Variants in KCNS1 observed in about 807,000 individuals in gnomAD.
KCNS1 encodes delayed-rectifier potassium channel regulatory subunit KCNS1.
KCNS1 carries 26 observed loss-of-function variants against 33.1 expected under a neutral mutation model. The ratio of observed to expected loss-of-function variants is 0.79; its 90% CI spans 0.58 to 1.09. The LOEUF (loss-of-function observed/expected upper bound fraction) is 1.09, where lower values mean the gene tolerates loss of function less well. KCNS1 is among the 50% of genes least tolerant of loss of function. KCNS1 has a pLI of 0.00. For synonymous variants in KCNS1, 299 were observed against 338.8 expected, an observed-to-expected ratio of 0.88 and a Z score of 1.29; for missense variants, 702 against 752.4, an observed-to-expected ratio of 0.93 and a Z score of 0.78.
Position 45,098,735 on chromosome 20 carries a change from T to C in KCNS1, c.77-40A>G. 1 of 1,333,676 alleles carries C rather than the reference T, an allele frequency of 7.5e-7. No individual in the cohort carries two copies. Among genetic ancestry groups the C allele is most frequent in the South Asian group, 2.1e-5 (1 of 47,824 alleles). 82.6% of individuals were successfully genotyped at this position (1,333,676 alleles called of 1,614,324 possible). ...AGGGCGCGCTGAGGAGTTCCCGGGC[T>C]TCCCTTCCTGGAAGACCAGGTTAAA... On this transcript the variant is annotated intron_variant, in intron 2 of 3. Transcript: ENST00000537075. This position sits in a 1 kb window ranked among gnomAD's most constrained non-coding sequence, Gnocchi z 5.2.
Position 45,098,180 on chromosome 20 carries a change from G to T in KCNS1, c.592C>A (p.Arg198Ser), listed in dbSNP as rs369840753. 15 of 1,603,206 alleles carry T rather than the reference G, an allele frequency of 9.4e-6. No individual in the cohort carries two copies. Among genetic ancestry groups the T allele is most frequent in the Non-Finnish European group, 1.2e-5 (14 of 1,175,990 alleles). ...QRELARYGAA[R>S]CGRLRRRLWL... is the part of the protein sequence containing the mutation. ...AGGCGGCGGCGCAGGCGGCCACAGC[G>T]CGCCGCGCCATAGCGCGCCAGTTCT... is the stretch of plus-strand genomic sequence containing the variant. The change falls in exon 3 of 4, where the codon CGC (arginine) becomes AGC (serine). Residue 198 changes from arginine to serine, a missense_variant. Around this residue, in one of 3 missense-constraint regions of KCNS1, gnomAD observed 374 missense variants for 352.3 expected, o/e 1.06. Coordinates refer to ENST00000537075, the MANE Select transcript of KCNS1 (RefSeq NM_001322799.2). The surrounding 1 kb of genome is among the most constrained non-coding windows in gnomAD (Gnocchi z 5.2).
chr20:45,096,516 G>A (rs1981189438), intron 3 of KCNS1, among the ~76,000 whole-genome samples: 1 of 152,160 alleles, frequency 6.6e-6, no homozygotes, highest in African/African-American at 2.4e-5. Flanking sequence ...CCAGTATCCT[G>A]AGGGCATACA....
At chr20:45,099,298 C>T in intron 1 of KCNS1, 59 bp from the exon 2 acceptor site, 1 of 912,476 alleles carries the variant, frequency 1.1e-6, no homozygotes, top group South Asian at 1.4e-5. Flanking sequence ...GAATCGGGAA[C>T]TCTAAGGGTG....
intron 2 of KCNS1, 59 bp downstream of exon 2, chr20:45,099,102 T>G (rs1242532979): frequency 1.3e-6 from 2 of 1,542,026 alleles, no homozygotes; most frequent in Non-Finnish European, 8.8e-7. Flanking sequence ...CTGTGGGATC[T>G]TGGGCCCGCC....
chr20:45,099,897 A>C (rs1981337753), intron 1 of KCNS1, among the ~76,000 whole-genome samples: 1 of 151,684 alleles, frequency 6.6e-6, no homozygotes, highest in South Asian at 2.1e-4. Flanking sequence ...TAATGCCTAG[A>C]CTAGGGATTA....
intron 3 of KCNS1, among the ~76,000 whole-genome samples, chr20:45,095,955 C>T (rs1211035448): frequency 1.4e-5 from 2 of 146,738 alleles, no homozygotes; most frequent in Admixed American, 1.4e-4. Context: ...GTTGTTGCAA[C>T]TGGGACAGGT....
Position 45,098,791 on chromosome 20 carries a change from T to TG in KCNS1, c.77-97dup. On this transcript the variant is annotated intron_variant, in intron 2 of 3. Coordinates refer to ENST00000537075, the MANE Select transcript of KCNS1 (RefSeq NM_001322799.2). The surrounding 1 kb of genome is among the most constrained non-coding windows in gnomAD (Gnocchi z 5.2). ...CTCCTCCATCCAACCAGCCAAGGGGTGTTGGAGGCTGTGTGTGAAGCATCT... is the reference window on the plus strand; with the variant it reads ...CTCCTCCATCCAACCAGCCAAGGGGTGGTTGGAGGCTGTGTGTGAAGCATCT... 2.6e-6 allele frequency: 3 copies of TG among 1,137,294 alleles called. No individual in the cohort carries two copies. The highest frequency in any genetic ancestry group is 3.4e-6 in the Non-Finnish European group (3 of 876,760). 70.5% of individuals were successfully genotyped at this position (1,137,294 alleles called of 1,614,324 possible). A position where few individuals can be genotyped will look rare whatever the true frequency, so the allele number is the denominator to read the frequency against.
intron 3 of KCNS1, among the ~76,000 whole-genome samples, chr20:45,096,572 T>C (rs186368905): frequency 3.3e-5 from 5 of 152,262 alleles, no homozygotes; most frequent in African/African-American, 1.2e-4. Context: ...TCTTTTAGCA[T>C]TGTCTGGGGA....
rs1981237049 is a variant in KCNS1, at chr20:45,097,814, G to A, written c.958C>T (p.Leu320=). 2.5e-6 allele frequency: 4 copies of A among 1,613,610 alleles called. No homozygotes were observed. The highest frequency in any genetic ancestry group is 2.5e-6 in the Non-Finnish European group (3 of 1,180,006). ...TCGCCCAGTGCCACACCAGCCAGCA[G>A]CGTGAGATAGAAGGGCAGCACAGAC... is the stretch of plus-strand genomic sequence containing the variant. ...IVSVLPFYLT[L]LAGVALGDQG... is the part of the protein sequence containing the mutation. The change falls in exon 3 of 4, where the codon CTG becomes TTG. Residue 320 remains leucine, a synonymous_variant. Coordinates refer to ENST00000537075, the MANE Select transcript of KCNS1 (RefSeq NM_001322799.2).
rs1981306027 is a variant in KCNS1 at position 45,098,834 on chromosome 20, C to T, written c.77-139G>A. 1.3e-6 allele frequency: 1 copy of T among 794,680 alleles called. No individual in the cohort carries two copies. The highest frequency in any genetic ancestry group is 1.8e-6 in the Non-Finnish European group (1 of 545,000). The allele number at this position is 794,680 out of a possible 1,614,324, so 49.2% of individuals were successfully genotyped here. A position where few individuals can be genotyped will look rare whatever the true frequency, so the allele number is the denominator to read the frequency against. On this transcript the variant is annotated intron_variant, in intron 2 of 3. Transcript: ENST00000537075. The surrounding 1 kb of genome is among the most constrained non-coding windows in gnomAD (Gnocchi z 5.2). ...AAGCATCTGGTATGCAGGAGGCGCT[C>T]AGTAGATGTCAGGTGCCCTCTGGAC...
At chr20:45,099,117 C>T in intron 2 of KCNS1, 44 bp downstream of exon 2, 1 of 1,548,598 alleles carries the variant, frequency 6.5e-7, no homozygotes, top group Non-Finnish European at 8.7e-7. Context: ...CCCGCCAGCC[C>T]TCTGAACCTG....
intron 1 of KCNS1, chr20:45,100,197 G>A (rs1457257139): frequency 6.6e-6 from 1 of 152,160 alleles, no homozygotes; most frequent in Non-Finnish European, 1.5e-5. Context: ...GCCCTCTCTG[G>A]GCTTGTTTCC....
chr20:45,096,030 A>G (rs1981173694), intron 3 of KCNS1, among the ~76,000 whole-genome samples: 1 of 152,226 alleles, frequency 6.6e-6, no homozygotes. Flanking sequence ...TGTACAGGGC[A>G]GCTCCCACAT....
Position 45,095,601 on chromosome 20 carries a change from C to T in KCNS1, c.1111-261G>A, listed in dbSNP as rs558151217. Reference sequence around the variant, plus strand: ...AGGCTACAGCTGTTTTTTCCAACTCCGGGGTTACTGGTGGCACCACAGCCA... The same window carrying T: ...AGGCTACAGCTGTTTTTTCCAACTCTGGGGTTACTGGTGGCACCACAGCCA... On this transcript the variant is annotated intron_variant, in intron 3 of 3. Transcript: ENST00000537075. 6.6e-5 allele frequency among the ~76,000 whole-genome samples: 10 copies of T among 152,242 alleles called. No homozygotes were observed. In the South Asian group the frequency reaches 1.2e-3, roughly 19 times the overall value.
chr20:45,098,197 G>A lies in KCNS1; in HGVS notation c.575C>T (p.Ala192Val). 6.2e-7 allele frequency: 1 copy of A among 1,604,712 alleles called. No individual in the cohort carries two copies. Among genetic ancestry groups the A allele is most frequent in the African/African-American group, 1.3e-5 (1 of 74,750 alleles). The change falls in exon 3 of 4, where the codon GCG (alanine) becomes GTG (valine). Residue 192 changes from alanine (A) to valine (V), a missense_variant. By Grantham distance (64) the Ala-to-Val change is moderately conservative. Coordinates refer to ENST00000537075, the MANE Select transcript of KCNS1 (RefSeq NM_001322799.2). The surrounding 1 kb of genome is among the most constrained non-coding windows in gnomAD (Gnocchi z 5.2). Reference protein sequence around the residue: ...DEISDVQRELARYGAARCGRL... With the variant: ...DEISDVQRELVRYGAARCGRL... ...GCCACAGCGCGCCGCGCCATAGCGC[G>A]CCAGTTCTCGCTGCACGTCGGAGAT...
In KCNS1 at chr20:45,098,333, C is replaced by G. The variant is rs985105120; in HGVS notation, c.439G>C (p.Ala147Pro). ...EADYWGLGEN[A>P]LAACCRARYL... Reference sequence around the variant, plus strand: ...CGCGCGCGGCAGCACGCGGCAAGCGCGTTCTCGCCTAGGCCCCAGTAGTCG... The same window carrying G: ...CGCGCGCGGCAGCACGCGGCAAGCGGGTTCTCGCCTAGGCCCCAGTAGTCG... Residue 147 changes from alanine (A) to proline (P), a missense_variant, in exon 3 of 4, where the codon GCG becomes CCG. Transcript: ENST00000537075. This position sits in a 1 kb window ranked among gnomAD's most constrained non-coding sequence, Gnocchi z 5.2. 7 of 1,572,288 alleles carry G rather than the reference C, an allele frequency of 4.5e-6. No individual in the cohort carries two copies. Among genetic ancestry groups the G allele is most frequent in the Non-Finnish European group, 6.0e-6 (7 of 1,160,152 alleles).
At position 45,097,108 on chromosome 20, in the gene KCNS1, C is replaced by G. The variant is rs1981209177; in HGVS notation, c.1110+554G>C. ...CCTTCAACCTCAGCTTCTTCATCTA[C>G]GGGAAGAGAATAAATAATAGCATCT... On this transcript the variant is annotated intron_variant, in intron 3 of 3. Transcript: ENST00000537075. 2.0e-5 allele frequency among the ~76,000 whole-genome samples: 3 copies of G among 152,212 alleles called. No homozygotes were observed. The South Asian group carries it at 6.2e-4, about 32-fold the overall frequency.
intron 3 of KCNS1, among the ~76,000 whole-genome samples, chr20:45,096,904 A>T (rs1981202096): frequency 6.6e-6 from 1 of 152,200 alleles, no homozygotes. Context: ...TCCTCCCAGC[A>T]TTCATCCTGT....
chr20:45,096,666 A>G lies in KCNS1; in HGVS notation c.1110+996T>C, dbSNP rs1293358156. On this transcript the variant is annotated intron_variant, in intron 3 of 3. Transcript: ENST00000537075. ...ACAGGTGGGTTCTTCTCTGGGTTCT[A>G]CTGCTTATTGAGGAACCTCCAACAA... Among the ~76,000 whole-genome samples, 5 of 152,272 alleles carry G rather than the reference A, an allele frequency of 3.3e-5. No individual in the cohort carries two copies. In the East Asian group the frequency reaches 9.7e-4, roughly 29 times the overall value.
Sources: allele counts gnomAD v4.1 joint callset (sites outside exome capture counted in the v4.1 genomes callset), GRCh38; gene constraint gnomAD v4.1.1; regional missense constraint gnomAD v4.1.1; non-coding constraint Gnocchi (gnomAD v3.1); transcripts MANE v1.5; gene names NCBI Gene and HGNC (gene_info 2026-07-23, HGNC 2026-07-21).